CACNA1E: variants seen among roughly 807,000 people sequenced by gnomAD.
CACNA1E encodes the protein voltage-dependent R-type calcium channel subunit alpha-1E.
In CACNA1E, 40 loss-of-function variants were observed where a neutral mutation model predicts 259.2. The ratio of observed to expected loss-of-function variants is 0.15; its 90% confidence interval spans 0.12 to 0.20. The LOEUF (loss-of-function observed/expected upper bound fraction) is 0.20. Among genes scored for constraint, CACNA1E ranks in the 10% least tolerant of loss-of-function variants. CACNA1E has a pLI of 1.00. For missense variants in CACNA1E, 1,874 were observed against 3,040.1 expected (o/e 0.62, Z 9.02); for synonymous variants, 1,104 against 1,138.5 (o/e 0.97, Z 0.61).
In CACNA1E at chr1:181,798,280, C is replaced by T. The variant is rs1207204647; in HGVS notation, c.6400-12C>T. On this transcript the variant is annotated splice_polypyrimidine_tract_variant and intron_variant, in intron 47 of 47. Coordinates refer to ENST00000367573, the MANE Select transcript of CACNA1E (RefSeq NM_001205293.3). This position sits in a 1 kb window ranked among gnomAD's most constrained non-coding sequence, Gnocchi z 4.2. ...GCCCAATCTAACATGCCATGTCTCT[C>T]CTGCTATACAGGGCACAGGTTCCCT... The T allele has an allele frequency of 6.4e-7, 1 of 1,571,146 alleles. No individual in the cohort carries two copies. The highest frequency in any genetic ancestry group is 8.6e-7 in the Non-Finnish European group (1 of 1,158,570).
chr1:181,712,114 T>C (rs1434548670), intron 8 of CACNA1E, among the ~76,000 whole-genome samples: 1 of 152,192 alleles, frequency 6.6e-6, no homozygotes, highest in African/African-American at 2.4e-5. Flanking sequence ...CCTGTGAGAA[T>C]AGGTCCAAAC....
At chr1:181,782,323 G>A (rs759055251) in intron 39 of CACNA1E, among the ~76,000 whole-genome samples, 1 of 152,240 alleles carries the variant, frequency 6.6e-6, no homozygotes, top group Non-Finnish European at 1.5e-5. Flanking sequence ...TACACTGGGA[G>A]TCACTTGCCC....
intron 3 of CACNA1E, among the ~76,000 whole-genome samples, chr1:181,513,378 T>C (rs1666306205): frequency 6.6e-6 from 1 of 152,244 alleles, no homozygotes; most frequent in South Asian, 2.1e-4. Context: ...TTGGTAAAAA[T>C]CTGTAATGAC....
At chr1:181,611,870 A>G (rs78107423) in intron 6 of CACNA1E, among the ~76,000 whole-genome samples, 4,183 of 152,324 alleles carry the variant, frequency 0.027, 210 homozygotes, top group African/African-American at 0.095. Context: ...TCATTCTAGT[A>G]TGCAACCAAC....
chr1:181,644,321 AG>A (rs1380717562), intron 6 of CACNA1E, among the ~76,000 whole-genome samples: 2 of 152,168 alleles, frequency 1.3e-5, no homozygotes, highest in Non-Finnish European at 2.9e-5. Context: ...TTGGATCCTC[AG>A]GGAAGTCGCT....
intron 13 of CACNA1E, 27 bp downstream of exon 13, chr1:181,719,890 C>A: frequency 7.6e-7 from 1 of 1,321,356 alleles, no homozygotes; most frequent in Non-Finnish European, 1.1e-6. Flanking sequence ...TGGACTTTTC[C>A]CAATGTCTTT....
At chr1:181,442,039 C>G (rs1050926235) in intron 2 of CACNA1E, among the ~76,000 whole-genome samples, 1 of 152,164 alleles carries the variant, frequency 6.6e-6, no homozygotes, top group South Asian at 2.1e-4. Context: ...TTTTATAGCC[C>G]ACACGGACCT....
At chr1:181,466,707 T>A (rs1351797957) in intron 2 of CACNA1E, among the ~76,000 whole-genome samples, 1 of 152,244 alleles carries the variant, frequency 6.6e-6, no homozygotes, top group African/African-American at 2.4e-5. Flanking sequence ...CAATTCCTCC[T>A]AGGGATTTCC....
At chr1:181,624,141 T>G (rs1262489059) in intron 6 of CACNA1E, among the ~76,000 whole-genome samples, 2 of 151,982 alleles carry the variant, frequency 1.3e-5, no homozygotes, top group Non-Finnish European at 2.9e-5. Flanking sequence ...TAGACAGAAC[T>G]AATAGAGCAA....
chr1:181,738,335 G>C (rs1468491083), intron 23 of CACNA1E, 32 bp from the exon 24 acceptor site: 1 of 1,594,746 alleles, frequency 6.3e-7, no homozygotes, highest in Non-Finnish European at 8.6e-7. Flanking sequence ...GGCCACACAT[G>C]GTCATTTCCT....
At chr1:181,474,678 G>A (rs1427785956) in intron 2 of CACNA1E, among the ~76,000 whole-genome samples, 1 of 152,102 alleles carries the variant, frequency 6.6e-6, no homozygotes, top group Non-Finnish European at 1.5e-5. Context: ...TAGTTGATAT[G>A]GGTTTTTTTT....
intron 3 of CACNA1E, among the ~76,000 whole-genome samples, chr1:181,577,279 A>T (rs1018467087): frequency 2.0e-5 from 3 of 152,208 alleles, no homozygotes; most frequent in African/African-American, 7.2e-5. Flanking sequence ...AGCATAATTG[A>T]TTTGTTTGGT....
intron 7 of CACNA1E, among the ~76,000 whole-genome samples, chr1:181,665,059 T>C (rs1013880744): frequency 1.1e-4 from 17 of 152,144 alleles, no homozygotes; most frequent in African/African-American, 3.4e-4. Flanking sequence ...GACCAAGTTC[T>C]TAGGTAACTG....
chr1:181,387,594 C>T (rs999209156), intron 1 of CACNA1E, among the ~76,000 whole-genome samples: 6 of 152,152 alleles, frequency 3.9e-5, no homozygotes, highest in South Asian at 2.1e-4. Context: ...AGAAGGCCCA[C>T]GACACGGTGC....
chr1:181,684,344 T>C (rs961214355), intron 7 of CACNA1E, among the ~76,000 whole-genome samples: 1 of 152,152 alleles, frequency 6.6e-6, no homozygotes, highest in African/African-American at 2.4e-5. Context: ...GTTTTCACTG[T>C]TGATTTAAGT....
intron 1 of CACNA1E, among the ~76,000 whole-genome samples, chr1:181,405,928 T>C (rs778572554): frequency 6.6e-6 from 1 of 152,246 alleles, no homozygotes; most frequent in Non-Finnish European, 1.5e-5. Flanking sequence ...GTGCCTGTTT[T>C]TGTAAATAAA....
rs1480415488 is a variant in CACNA1E, at chr1:181,804,910, G to C, written c.*6076G>C. The C allele has an allele frequency of 2.9e-5, 4 of 137,316 alleles. No homozygotes were observed. The highest frequency in any genetic ancestry group is 7.3e-5 in the Admixed American group (1 of 13,748). 8.5% of individuals were successfully genotyped at this position (137,316 alleles called of 1,614,324 possible). ...CTTCCCATTTTCCCTTATTCTTCTT[G>C]TTGTCTCTCTAATTAAAAAAAAAAA... On this transcript the variant is annotated 3_prime_UTR_variant, in exon 48 of 48. Transcript: ENST00000367573.
chr1:181,583,785 G>A (rs1651785980), intron 6 of CACNA1E, among the ~76,000 whole-genome samples: 1 of 152,010 alleles, frequency 6.6e-6, no homozygotes, highest in African/African-American at 2.4e-5. Context: ...TCAACTGCTT[G>A]GTCAAACTCC....
rs1490634228 is a variant in CACNA1E at position 181,368,253 on chromosome 1, T to C, written c.-14-44880T>C. ...TAAAAAAAATAAAATAAAAAGAAAA[T>C]GTGTCATTTAGACAGAGAAAGAGAC... On this transcript the variant is annotated intron_variant, in intron 1 of 11. Coordinates refer to the CACNA1E transcript ENST00000524607. Among the ~76,000 whole-genome samples the C allele has an allele frequency of 2.1e-5, 3 of 143,980 alleles. No homozygotes were observed. In the East Asian group the frequency reaches 6.1e-4, roughly 29 times the overall value. The allele number at this position is 143,980 out of a possible 152,430, so 94.5% of individuals were successfully genotyped here.
Sources: allele counts gnomAD v4.1 joint callset (sites outside exome capture counted in the v4.1 genomes callset), GRCh38; gene constraint gnomAD v4.1.1; non-coding constraint Gnocchi (gnomAD v3.1); transcripts MANE v1.5; gene names NCBI Gene and HGNC (gene_info 2026-07-23, HGNC 2026-07-21).